The following DNAH3 variants were observed in gnomAD, a reference collection of about 807,000 sequenced individuals.
The protein encoded by DNAH3 is axonemal beta dynein heavy chain 3.
A neutral mutation model predicts 432.5 loss-of-function variants in DNAH3; 332 were observed. The observed-to-expected ratio is 0.77, with a 90% CI of 0.70 to 0.84. The LOEUF is 0.84. Ranked by LOEUF, DNAH3 falls within the 40% of genes least tolerant of loss-of-function variation. DNAH3 has a pLI of 0.00. For missense variants in DNAH3, 4,861 were observed against 5,114.0 expected (o/e 0.95, Z 1.51); for synonymous variants, 1,956 against 1,900.2 (o/e 1.03, Z -0.76).
chr16:20,970,088 T>A, intron 51 of DNAH3, 98 bp from the exon 52 acceptor site: 6 of 1,129,150 alleles, frequency 5.3e-6, no homozygotes, highest in Non-Finnish European at 7.9e-6. Flanking sequence ...AAGGAAGAGG[T>A]GCTTCCTCTT....
chr16:20,954,662 A>G, intron 55 of DNAH3, 151 bp downstream of exon 55: 1 of 828,100 alleles, frequency 1.2e-6, no homozygotes, highest in Admixed American at 2.4e-5. Context: ...ATTTAGTATA[A>G]GTATGTTCCA....
At chr16:21,115,274 G>A (rs2092162465) in intron 12 of DNAH3, among the ~76,000 whole-genome samples, 1 of 151,890 alleles carries the variant, frequency 6.6e-6, no homozygotes, top group Non-Finnish European at 1.5e-5. Flanking sequence ...GATAGCATTA[G>A]GAGATATACC....
exon 32 of DNAH3, chr16:21,042,147 A>C: frequency 1.2e-6 from 2 of 1,612,984 alleles, no homozygotes; most frequent in Non-Finnish European, 1.7e-6. Context: ...TTAGCTTCCG[A>C]ATGATGGCTT....
intron 27 of DNAH3, among the ~76,000 whole-genome samples, chr16:21,056,719 A>AT (rs2090149273): frequency 6.6e-6 from 1 of 152,160 alleles, no homozygotes; most frequent in Non-Finnish European, 1.5e-5. Context: ...ATCACACAGC[A>AT]TGCATGCACA....
At chr16:21,081,686 C>A (rs766004232) in exon 20 of DNAH3, 1 of 1,613,906 alleles carries the variant, frequency 6.2e-7, no homozygotes, top group Non-Finnish European at 8.5e-7. Flanking sequence ...AGAGGCAGGT[C>A]GTTTCGGTGG....
At chr16:21,083,877 G>T (rs548747208) in intron 19 of DNAH3, among the ~76,000 whole-genome samples, 2 of 152,248 alleles carry the variant, frequency 1.3e-5, no homozygotes, top group African/African-American at 4.8e-5. Context: ...GTATCTAGGG[G>T]CCTTTGTCCT....
chr16:21,020,348 G>GTGTATATATATATATATATATA, intron 40 of DNAH3, among the ~76,000 whole-genome samples: 21 of 69,148 alleles, frequency 3.0e-4, no homozygotes, highest in African/African-American at 1.3e-3. Flanking sequence ...TATAGTGTGT[G>GTGTATATATATATATATATATA]TATATATATA....
intron 31 of DNAH3, among the ~76,000 whole-genome samples, chr16:21,046,772 G>C (rs1011173401): frequency 2.0e-5 from 3 of 152,026 alleles, no homozygotes; most frequent in Non-Finnish European, 2.9e-5. Context: ...TCCTAGTCTC[G>C]ATGGTCTTTA....
chr16:20,948,351 A>G, intron 57 of DNAH3, 132 bp downstream of exon 57: 2 of 893,370 alleles, frequency 2.2e-6, no homozygotes, highest in African/African-American at 1.7e-5. Flanking sequence ...AATATTGGGA[A>G]TAGCTTATGG....
chr16:20,955,160 G>C, intron 54 of DNAH3, 103 bp from the exon 55 acceptor site: 1 of 1,157,402 alleles, frequency 8.6e-7, no homozygotes, highest in Non-Finnish European at 1.2e-6. Context: ...GACCAGCCTG[G>C]GTAACATGGT....
In DNAH3 at chr16:21,062,640, C is replaced by A; in HGVS notation, c.3562G>T (p.Glu1188Ter). The A allele has an allele frequency of 1.2e-6, 2 of 1,613,960 alleles. No homozygotes were observed. The highest frequency in any genetic ancestry group is 1.7e-6 in the Non-Finnish European group (2 of 1,179,880). The stretch of plus-strand genomic sequence containing the variant: ...TGCACTCGGAGAGGGTCCTTTGTCT[C>A]GGACAAGATTTCCAGCAGCTCATCG... The change falls in exon 25 of 62, where the codon GAG (glutamate) becomes TAG (stop). Residue 1188 changes from glutamate to a stop codon, truncating the protein, a stop_gained. Transcript: ENST00000261383. LOFTEE classifies it high-confidence loss of function.
chr16:20,969,683 A>C, intron 52 of DNAH3, 109 bp downstream of exon 52: 1 of 1,240,268 alleles, frequency 8.1e-7, no homozygotes, highest in South Asian at 1.2e-5. Flanking sequence ...CTCCAAACTC[A>C]GTGATCTTGC....
chr16:21,049,769 T>C (rs2089874728), intron 30 of DNAH3, 87 bp from the exon 31 acceptor site: 1 of 1,391,990 alleles, frequency 7.2e-7, no homozygotes, highest in African/African-American at 1.4e-5. Context: ...AGTGGGCTCC[T>C]CTCTCCTTGC....
At position 20,985,767 on chromosome 16, in the gene DNAH3, C is replaced by G. The variant is rs1326989683; in HGVS notation, c.7027-52G>C. The G allele has an allele frequency of 2.6e-6, 4 of 1,568,594 alleles. No homozygotes were observed. In the Admixed American group the frequency reaches 5.2e-5, roughly 20 times the overall value. On this transcript the variant is annotated intron_variant, in intron 47 of 61. Coordinates refer to ENST00000261383, the Ensembl canonical transcript of DNAH3. ...GCATTCAGTGAATGGCCCAGCCAGG[C>G]TGGTAGGGACATCATGGAGGGAGGG...
At chr16:21,065,556 T>C (rs1193843812) in intron 24 of DNAH3, among the ~76,000 whole-genome samples, 2 of 152,144 alleles carry the variant, frequency 1.3e-5, no homozygotes, top group Non-Finnish European at 2.9e-5. Context: ...TCCCAAGCCT[T>C]ATGTGTCAAA....
intron 24 of DNAH3, among the ~76,000 whole-genome samples, chr16:21,066,157 G>GTT (rs796921792): frequency 7.1e-6 from 1 of 141,636 alleles, no homozygotes; most frequent in Admixed American, 7.1e-5. Flanking sequence ...ATCATTTTTT[G>GTT]TTTTTTTTTT....
rs368175057 is a variant in DNAH3 at position 20,971,448 on chromosome 16, A to C, written c.8260-1458T>G. On this transcript the variant is annotated intron_variant, in intron 51 of 61. Coordinates refer to ENST00000261383, the Ensembl canonical transcript of DNAH3. Reference sequence around the variant, plus strand: ...GGAGGGCCACAGCCCTGAAAGGTCCAGGAAGGGATTCCGGTCCACAAAAAA... The same window carrying C: ...GGAGGGCCACAGCCCTGAAAGGTCCCGGAAGGGATTCCGGTCCACAAAAAA... Among the ~76,000 whole-genome samples the C allele has an allele frequency of 6.8e-4, 103 of 152,296 alleles. 1 individual carries two copies. The highest frequency in any genetic ancestry group is 1.1e-3 in the Non-Finnish European group (78 of 68,012).
chr16:20,982,510 A>C (rs547886414), intron 49 of DNAH3, among the ~76,000 whole-genome samples: 1 of 152,354 alleles, frequency 6.6e-6, no homozygotes, highest in African/African-American at 2.4e-5. Flanking sequence ...TAGCTAGGAC[A>C]AATCTCCAGG....
chr16:21,033,968 C>A lies in DNAH3; in HGVS notation c.5197+6G>T, dbSNP rs751816202. The A allele has an allele frequency of 1.2e-6, 2 of 1,610,620 alleles. No homozygotes were observed. The highest frequency in any genetic ancestry group is 1.7e-6 in the Non-Finnish European group (2 of 1,177,310). ...CCTCCCTGGAAGCCAGGGATGTGAG[C>A]TTTACCTGCGTGTAAATCGCCGAGA... On this transcript the variant is annotated splice_donor_region_variant and intron_variant, in intron 36 of 61. Transcript: ENST00000261383.
Sources: gnomAD v4.1 joint callset for allele counts (sites outside exome capture counted in the v4.1 genomes callset) on GRCh38, gnomAD v4.1.1 for gene constraint, MANE v1.5 for transcripts, NCBI Gene and HGNC (gene_info 2026-07-23, HGNC 2026-07-21) for gene names.